Variants in ZNF804B observed in about 807,000 individuals in gnomAD.
ZNF804B encodes the protein zinc finger protein 804B.
ZNF804B carries 80 observed loss-of-function variants against 101.4 expected under a neutral mutation model. The observed-to-expected ratio is 0.79, with a 90% CI of 0.66 to 0.95. The LOEUF (loss-of-function observed/expected upper bound fraction) is 0.95. ZNF804B is among the 40% of genes least tolerant of loss of function. The pLI, the probability that ZNF804B is intolerant of heterozygous loss-of-function variation, is 0.00. For synonymous variants in ZNF804B, 622 were observed against 558.8 expected (o/e 1.11, Z -1.59); for missense variants, 1,673 against 1,561.9 (o/e 1.07, Z -1.20).
Position 88,868,085 on chromosome 7 carries a change from G to GTA in ZNF804B, c.108+108003_108+108004dup, listed in dbSNP as rs1554341694. ...TGTGTGTGTGTGTGTGTGTGTGTGT[G>GTA]TATTATGCTTTTCTTTAAGCAACAA... On this transcript the variant is annotated intron_variant, in intron 1 of 3. Transcript: ENST00000333190. Among the ~76,000 whole-genome samples, 3 of 140,340 alleles carry GTA rather than the reference G, an allele frequency of 2.1e-5. No individual in the cohort carries two copies. In the Admixed American group the frequency reaches 2.2e-4, roughly 10 times the overall value. The allele number at this position is 140,340 out of a possible 152,430, so 92.1% of individuals were successfully genotyped here. A position where few individuals can be genotyped will look rare whatever the true frequency, so the allele number is the denominator to read the frequency against.
chr7:89,325,752 G>A (rs38970), intron 2 of ZNF804B, among the ~76,000 whole-genome samples: 42,440 of 151,494 alleles, frequency 0.28, 7,057 homozygotes, highest in East Asian at 0.69. Context: ...TATTAAATAA[G>A]TATAATATGG....
chr7:88,938,885 AAAG>A (rs552956154), intron 1 of ZNF804B, among the ~76,000 whole-genome samples: 322 of 152,216 alleles, frequency 2.1e-3, no homozygotes, highest in South Asian at 4.1e-3. Flanking sequence ...ATTATTTCAG[AAAG>A]AAGTTAATTA....
At chr7:89,179,346 T>C (rs1387185260) in intron 1 of ZNF804B, among the ~76,000 whole-genome samples, 2 of 152,154 alleles carry the variant, frequency 1.3e-5, no homozygotes, top group Non-Finnish European at 2.9e-5. Context: ...AATTCTTTTA[T>C]ATTCTTTTTT....
At chr7:89,331,598 TTCATGAAGAGGAGACGTTCTAAAA>T (rs1221858779) in intron 3 of ZNF804B, among the ~76,000 whole-genome samples, 1 of 151,714 alleles carries the variant, frequency 6.6e-6, no homozygotes, top group East Asian at 1.9e-4. Context: ...ATTACAGCCA[TTCATGAAGAGGAGACGTTCTAAAA>T]TCATTAAAAG....
chr7:88,907,773 A>G (rs1792495046), intron 1 of ZNF804B, among the ~76,000 whole-genome samples: 1 of 151,966 alleles, frequency 6.6e-6, no homozygotes, highest in African/African-American at 2.4e-5. Context: ...TTAACTTCCA[A>G]TTGTCTTCTA....
chr7:89,146,927 G>T (rs900582689), intron 1 of ZNF804B, among the ~76,000 whole-genome samples: 7 of 151,636 alleles, frequency 4.6e-5, no homozygotes, highest in African/African-American at 1.5e-4. Context: ...TACTTGGGAG[G>T]TCAAAATGGG....
intron 1 of ZNF804B, among the ~76,000 whole-genome samples, chr7:89,092,408 G>GT (rs71120056): frequency 0.31 from 28,490 of 92,946 alleles, 5,744 homozygotes; most frequent in East Asian, 0.54. Context: ...TTTCTTTTCT[G>GT]TTTTTTTTTT....
chr7:88,776,555 GTTTTGTT>G (rs1477009700), intron 1 of ZNF804B, among the ~76,000 whole-genome samples: 84 of 106,492 alleles, frequency 7.9e-4, no homozygotes, highest in Admixed American at 1.7e-3. Flanking sequence ...TTCTCGTGGT[GTTTTGTT>G]TTTTTTTTTT....
intron 1 of ZNF804B, among the ~76,000 whole-genome samples, chr7:89,100,746 G>A (rs1280378778): frequency 6.6e-6 from 1 of 151,978 alleles, no homozygotes; most frequent in Non-Finnish European, 1.5e-5. Context: ...AAAGAGATAT[G>A]AATATGTTCT....
intron 1 of ZNF804B, among the ~76,000 whole-genome samples, chr7:88,854,421 T>TTC (rs1491555006): frequency 9.9e-6 from 1 of 100,806 alleles, no homozygotes; most frequent in African/African-American, 3.9e-5. Flanking sequence ...CTTCCTTTCT[T>TTC]TCTTTCTTTC....
chr7:88,840,745 T>C (rs1192672461), intron 1 of ZNF804B, among the ~76,000 whole-genome samples: 1 of 152,190 alleles, frequency 6.6e-6, no homozygotes, highest in African/African-American at 2.4e-5. Context: ...AGTATTGTAG[T>C]ATTTGTGTTT....
At chr7:88,955,509 A>T (rs1021665554) in intron 1 of ZNF804B, among the ~76,000 whole-genome samples, 2 of 151,688 alleles carry the variant, frequency 1.3e-5, no homozygotes, top group Non-Finnish European at 3.0e-5. Context: ...CTGTAATCCA[A>T]ATCCCAACTG....
chr7:89,085,647 G>A (rs1469135309), intron 1 of ZNF804B, among the ~76,000 whole-genome samples: 1 of 151,826 alleles, frequency 6.6e-6, no homozygotes, highest in Non-Finnish European at 1.5e-5. Context: ...GTGTCTCTGT[G>A]ACACTCTGCA....
At chr7:88,878,695 G>A (rs1010678127) in intron 1 of ZNF804B, among the ~76,000 whole-genome samples, 1 of 152,148 alleles carries the variant, frequency 6.6e-6, no homozygotes, top group Non-Finnish European at 1.5e-5. Context: ...GGATAATAAT[G>A]TACTTTTATG....
chr7:88,899,370 A>G (rs533257031), intron 1 of ZNF804B, among the ~76,000 whole-genome samples: 215 of 152,354 alleles, frequency 1.4e-3, no homozygotes, highest in Non-Finnish European at 2.6e-3. Flanking sequence ...CTAAGGTTAC[A>G]TACATTTCCA....
At chr7:89,034,038 A>G (rs1788884115) in intron 1 of ZNF804B, among the ~76,000 whole-genome samples, 1 of 152,078 alleles carries the variant, frequency 6.6e-6, no homozygotes, top group Non-Finnish European at 1.5e-5. Context: ...GGTCTAATTG[A>G]TCTCTTCCTA....
At chr7:88,997,248 T>C (rs1788215876) in intron 1 of ZNF804B, among the ~76,000 whole-genome samples, 1 of 152,078 alleles carries the variant, frequency 6.6e-6, no homozygotes, top group African/African-American at 2.4e-5. Flanking sequence ...TGTCATTTAT[T>C]TAAAGTGGTT....
At position 89,049,269 on chromosome 7, in the gene ZNF804B, C is replaced by T. The variant is rs879870937; in HGVS notation, c.109-168886C>T. 3.3e-4 allele frequency among the ~76,000 whole-genome samples: 50 copies of T among 152,260 alleles called. 1 individual carries two copies. Among genetic ancestry groups the T allele is most frequent in the Admixed American group, 1.0e-3 (16 of 15,276 alleles). ...CTGATAAGAATGGAATCTTCTCACT[C>T]AGCCCAATGCTCCACCAAAGGGAGA... On this transcript the variant is annotated intron_variant, in intron 1 of 3. Transcript: ENST00000333190.
At chr7:88,835,974 G>T (rs1791210735) in intron 1 of ZNF804B, among the ~76,000 whole-genome samples, 1 of 151,988 alleles carries the variant, frequency 6.6e-6, no homozygotes, top group Admixed American at 6.6e-5. Flanking sequence ...AACATTCTCT[G>T]TAAAGGTAAA....
Sources: gnomAD v4.1 joint callset for allele counts (sites outside exome capture counted in the v4.1 genomes callset) on GRCh38, gnomAD v4.1.1 for gene constraint, MANE v1.5 for transcripts, NCBI Gene and HGNC (gene_info 2026-07-23, HGNC 2026-07-21) for gene names.